CFAP74: variants seen among roughly 807,000 people sequenced by gnomAD.
The protein encoded by CFAP74 is cilia and flagella associated protein 74, also known as cilia- and flagella-associated protein 74.
Under a neutral mutation model 188.9 loss-of-function variants are expected in CFAP74, and 124 were observed. That is an observed-to-expected ratio of 0.66 (90% CI 0.57 to 0.76). The LOEUF is 0.76. Among genes scored for constraint, CFAP74 ranks in the 30% least tolerant of loss-of-function variants. CFAP74 has a pLI of 0.00. For missense variants in CFAP74, 2,198 were observed against 2,165.2 expected (o/e 1.02, Z -0.30); for synonymous variants, 956 against 916.7 (o/e 1.04, Z -0.77).
chr1:1,938,071 CAA>C (rs1248105528), intron 25 of CFAP74, among the ~76,000 whole-genome samples: 3 of 148,772 alleles, frequency 2.0e-5, no homozygotes, highest in Non-Finnish European at 4.4e-5. Flanking sequence ...CTTACACACC[CAA>C]CACACACGCA....
At chr1:1,935,303 CGTGG>C (rs1652806299) in intron 25 of CFAP74, among the ~76,000 whole-genome samples, 1 of 82,372 alleles carries the variant, frequency 1.2e-5, no homozygotes. Context: ...CAGGTGTATA[CGTGG>C]GTGTTAGGTT....
At chr1:1,970,539 G>A in intron 10 of CFAP74, 120 bp downstream of exon 10, 1 of 1,172,076 alleles carries the variant, frequency 8.5e-7, no homozygotes, top group Non-Finnish European at 1.2e-6. Context: ...ACAGCCGCCT[G>A]AGTGGGCGCC....
At chr1:1,969,907 C>T (rs1485391191) in intron 10 of CFAP74, among the ~76,000 whole-genome samples, 1 of 152,212 alleles carries the variant, frequency 6.6e-6, no homozygotes, top group Non-Finnish European at 1.5e-5. Flanking sequence ...GGAGAAAGGG[C>T]CAGGCTCCCG....
At chr1:1,953,283 G>A (rs999386446) in intron 18 of CFAP74, 2 of 150,096 alleles carry the variant, frequency 1.3e-5, no homozygotes, top group Non-Finnish European at 2.9e-5. Context: ...TGCTTATATG[G>A]TCAATTGACT....
At chr1:1,992,003 G>A (rs772322990) in intron 1 of CFAP74, among the ~76,000 whole-genome samples, 2 of 149,822 alleles carry the variant, frequency 1.3e-5, no homozygotes, top group Non-Finnish European at 1.5e-5. Flanking sequence ...TCGCGCCACT[G>A]CACTCCAGCC....
chr1:1,938,774 G>A, intron 25 of CFAP74, 81 bp downstream of exon 25: 1 of 1,457,194 alleles, frequency 6.9e-7, no homozygotes, highest in South Asian at 1.3e-5. Context: ...CAGGGGCGGG[G>A]ATGTGGTGGA....
chr1:1,927,857 T>C (rs2748984), intron 27 of CFAP74, 111 bp from the exon 28 acceptor site: 610,808 of 1,291,952 alleles, frequency 0.47, 151,129 homozygotes, highest in Admixed American at 0.54. Flanking sequence ...GCAGTTGGGA[T>C]TGAATGTGGG....
chr1:1,962,476 CAA>C (rs556157241), intron 14 of CFAP74, among the ~76,000 whole-genome samples: 15 of 69,348 alleles, frequency 2.2e-4, no homozygotes, highest in South Asian at 5.9e-4. Context: ...AACTCCATCT[CAA>C]AAAAAAAAAA....
chr1:1,977,901 G>C (rs565136399), intron 6 of CFAP74, among the ~76,000 whole-genome samples: 32 of 152,290 alleles, frequency 2.1e-4, no homozygotes, highest in African/African-American at 6.5e-4. Context: ...GTGCAGTGGC[G>C]CAGTCTCAGC....
intron 9 of CFAP74, 107 bp from the exon 10 acceptor site, chr1:1,970,923 A>G (rs1009312795): frequency 7.7e-6 from 10 of 1,306,202 alleles, no homozygotes; most frequent in African/African-American, 7.3e-5. Context: ...ACACGTGCAC[A>G]CACGTGCACA....
chr1:1,971,297 G>A (rs1304277951), intron 9 of CFAP74, among the ~76,000 whole-genome samples: 2 of 138,058 alleles, frequency 1.4e-5, no homozygotes, highest in Non-Finnish European at 3.1e-5. Flanking sequence ...GCACATACAC[G>A]CTCACACATG....
chr1:1,936,906 CAA>C (rs34360920), intron 25 of CFAP74, among the ~76,000 whole-genome samples: 148 of 136,814 alleles, frequency 1.1e-3, no homozygotes, highest in African/African-American at 1.7e-3. Context: ...GACCCTGTCT[CAA>C]AAAAAAAAAA....
intron 16 of CFAP74, among the ~76,000 whole-genome samples, chr1:1,957,165 C>T (rs1274148222): frequency 1.3e-5 from 2 of 152,220 alleles, no homozygotes; most frequent in African/African-American, 2.4e-5. Flanking sequence ...CAGGGAGCAT[C>T]CTTCCAGAAC....
intron 2 of CFAP74, among the ~76,000 whole-genome samples, 182 bp from the exon 3 acceptor site, chr1:1,989,155 G>A (rs540666530): frequency 6.6e-5 from 10 of 152,258 alleles, no homozygotes; most frequent in Non-Finnish European, 1.3e-4. Context: ...GGGCGCTGGC[G>A]CCTTGAGAGA....
chr1:1,939,573 A>G (rs1182150413), intron 24 of CFAP74, 21 bp downstream of exon 24: 3 of 1,531,400 alleles, frequency 2.0e-6, no homozygotes, highest in Non-Finnish European at 1.7e-6. Flanking sequence ...CTCTTACCCC[A>G]GGCCTGGCTG....
At chr1:1,943,967 C>T (rs993674023) in intron 21 of CFAP74, among the ~76,000 whole-genome samples, 8 of 152,166 alleles carry the variant, frequency 5.3e-5, no homozygotes, top group Non-Finnish European at 8.8e-5. Flanking sequence ...GTCTTCAAAT[C>T]GGCCTGACTC....
At chr1:1,999,163 T>C (rs1484086945) in intron 1 of CFAP74, among the ~76,000 whole-genome samples, 1 of 152,294 alleles carries the variant, frequency 6.6e-6, no homozygotes, top group East Asian at 1.9e-4. Context: ...GATATCAAGA[T>C]TGATTCTAAA....
At chr1:1,934,832 C>T (rs1307530861) in intron 25 of CFAP74, among the ~76,000 whole-genome samples, 5 of 144,670 alleles carry the variant, frequency 3.5e-5, no homozygotes, top group African/African-American at 7.8e-5. Context: ...GTTGTAGGTA[C>T]GTGTGTACGT....
intron 18 of CFAP74, among the ~76,000 whole-genome samples, chr1:1,951,322 TGA>T (rs1314052948): frequency 2.0e-5 from 3 of 152,218 alleles, no homozygotes; most frequent in Non-Finnish European, 4.4e-5. Context: ...GATTACAATT[TGA>T]GACAAAACCT....
Sources: allele counts gnomAD v4.1 joint callset (sites outside exome capture counted in the v4.1 genomes callset), GRCh38; gene constraint gnomAD v4.1.1; transcripts MANE v1.5; gene names NCBI Gene and HGNC (gene_info 2026-07-23, HGNC 2026-07-21).